AQP1: variants seen among roughly 807,000 people sequenced by gnomAD.
AQP1 encodes the protein aquaporin-1.
AQP1 carries 11 observed loss-of-function variants against 19.7 expected under a neutral mutation model. The ratio of observed to expected loss-of-function variants is 0.56; its 90% CI spans 0.35 to 0.92. AQP1 has a LOEUF of 0.92. AQP1 is among the 40% of genes least tolerant of loss of function. The pLI is 0.01. For missense variants in AQP1, 320 were observed against 369.7 expected (o/e 0.87, Z 1.10); for synonymous variants, 159 against 166.7 (o/e 0.95, Z 0.36).
Position 30,912,400 on chromosome 7 carries a change from A to G in AQP1, c.384+107A>G. On this transcript the variant is annotated intron_variant, in intron 1 of 3. Transcript: ENST00000311813. This position sits in a 1 kb window ranked among gnomAD's most constrained non-coding sequence, Gnocchi z 4.3. ...ATGGGGACACTGAGGAACGGAGAGG[A>G]CAAGAGGTTGCTGGAGGTCACGTAG... 3 of 1,501,094 alleles carry G rather than the reference A, an allele frequency of 2.0e-6. No homozygotes were observed. Among genetic ancestry groups the G allele is most frequent in the Non-Finnish European group, 2.7e-6 (3 of 1,116,606 alleles). The allele number at this position is 1,501,094 out of a possible 1,614,324, so 93.0% of individuals were successfully genotyped here.
intron 1 of AQP1, among the ~76,000 whole-genome samples, chr7:30,920,881 C>T (rs1035905469): frequency 6.6e-6 from 1 of 152,198 alleles, no homozygotes; most frequent in Admixed American, 6.5e-5. Context: ...GGGCTGCAGA[C>T]AAAGGCGGGA....
At chr7:30,915,524 T>C (rs1791321475) in intron 1 of AQP1, among the ~76,000 whole-genome samples, 1 of 151,686 alleles carries the variant, frequency 6.6e-6, no homozygotes. Context: ...CGGGAGTTGT[T>C]GGGTATGGTC....
At position 30,912,256 on chromosome 7, in the gene AQP1, C is replaced by T. The variant is rs745590240; in HGVS notation, c.347C>T (p.Thr116Ile). 6.2e-7 allele frequency: 1 copy of T among 1,606,266 alleles called. No homozygotes were observed. Among genetic ancestry groups the T allele is most frequent in the South Asian group, 1.1e-5 (1 of 91,080 alleles). The change falls in exon 1 of 4, where the codon ACC becomes ATC. Residue 116 changes from threonine to isoleucine, a missense_variant. Physicochemically the swap from Thr to Ile is moderately conservative, Grantham distance 89 (BLOSUM62 -1). Coordinates refer to ENST00000311813, the MANE Select transcript of AQP1 (RefSeq NM_198098.4). This position sits in a 1 kb window ranked among gnomAD's most constrained non-coding sequence, Gnocchi z 4.3. ...GCCACCGCCATCCTCTCAGGCATCA[C>T]CTCCTCCCTGACTGGGAACTCGCTT... ...IVATAILSGI[T>I]SSLTGNSLGR... is the part of the protein sequence containing the mutation.
At position 30,923,997 on chromosome 7, in the gene AQP1, G is replaced by C. The variant is rs771466531; in HGVS notation, c.*368G>C. ...CCGACTCACCTGCGCAAGTGCCTGG[G>C]ATTCTACCGTAATTGCTTTGTGCCT... On this transcript the variant is annotated 3_prime_UTR_variant, in exon 4 of 4. Transcript: ENST00000311813. This position sits in a 1 kb window ranked among gnomAD's most constrained non-coding sequence, Gnocchi z 4.8. 7.3e-7 allele frequency: 1 copy of C among 1,368,120 alleles called. No homozygotes were observed. The highest frequency in any genetic ancestry group is 1.2e-5 in the South Asian group (1 of 86,344). 84.7% of individuals were successfully genotyped at this position (1,368,120 alleles called of 1,614,324 possible).
At chr7:30,918,403 A>C (rs1215544557) in intron 1 of AQP1, among the ~76,000 whole-genome samples, 1 of 152,240 alleles carries the variant, frequency 6.6e-6, no homozygotes, top group Non-Finnish European at 1.5e-5. Context: ...TCACAGACAC[A>C]GCAGACACTT....
chr7:30,924,236 A>G lies in AQP1; in HGVS notation c.*607A>G, dbSNP rs1584392459. ...GACCTCCTTCTGCAAAGTGGCAGGG[A>G]CCGGCAGAGCTCTACAGGCCTGCAG... On this transcript the variant is annotated 3_prime_UTR_variant, in exon 4 of 4. Transcript: ENST00000311813. The G allele has an allele frequency of 4.6e-6, 3 of 656,104 alleles. No individual in the cohort carries two copies. Among genetic ancestry groups the G allele is most frequent in the South Asian group, 5.9e-5 (2 of 33,698 alleles). The allele number at this position is 656,104 out of a possible 1,614,324, so 40.6% of individuals were successfully genotyped here.
chr7:30,920,537 G>A (rs990307430), intron 1 of AQP1, among the ~76,000 whole-genome samples: 1 of 152,196 alleles, frequency 6.6e-6, no homozygotes, highest in African/African-American at 2.4e-5. Context: ...CTCCTGCGTC[G>A]ACAACTCTTT....
Position 30,912,089 on chromosome 7 carries a change from C to G in AQP1, c.180C>G (p.Ile60Met). 4 of 1,613,344 alleles carry G rather than the reference C, an allele frequency of 2.5e-6. No homozygotes were observed. The highest frequency in any genetic ancestry group is 3.4e-6 in the Non-Finnish European group (4 of 1,180,034). ...VKVSLAFGLS[I>M]ATLAQSVGHI... is the part of the protein sequence containing the mutation. Reference sequence around the variant, plus strand: ...TGTCGCTGGCCTTCGGGCTGAGCATCGCCACGCTGGCGCAGAGTGTGGGCC... The same window carrying G: ...TGTCGCTGGCCTTCGGGCTGAGCATGGCCACGCTGGCGCAGAGTGTGGGCC... The change falls in exon 1 of 4, where the codon ATC becomes ATG. Residue 60 changes from isoleucine (I) to methionine (M), a missense_variant. By Grantham distance (10) the Ile-to-Met change is conservative (BLOSUM62 1). Transcript: ENST00000311813. This position sits in a 1 kb window ranked among gnomAD's most constrained non-coding sequence, Gnocchi z 4.3.
intron 1 of AQP1, among the ~76,000 whole-genome samples, chr7:30,915,406 A>G (rs558327551): frequency 6.6e-6 from 1 of 152,200 alleles, no homozygotes; most frequent in Non-Finnish European, 1.5e-5. Context: ...CCAGGAAGGC[A>G]TCAGGGAGGA....
At position 30,918,697 on chromosome 7, in the gene AQP1, C is replaced by G. The variant is rs552185112; in HGVS notation, c.385-3369C>G. On this transcript the variant is annotated intron_variant, in intron 1 of 3. Coordinates refer to ENST00000311813, the MANE Select transcript of AQP1 (RefSeq NM_198098.4). ...AGGGGCCCCATGCCTTGGAAGCCAC[C>G]CTGGTTGGCCTGTCTATGGGTAGCA... is the stretch of plus-strand genomic sequence containing the variant. 3.9e-5 allele frequency among the ~76,000 whole-genome samples: 6 copies of G among 152,308 alleles called. No individual in the cohort carries two copies. In the East Asian group the frequency reaches 1.2e-3, roughly 30 times the overall value.
chr7:30,912,232 C>A lies in AQP1; in HGVS notation c.323C>A (p.Ala108Asp). 6.2e-7 allele frequency: 1 copy of A among 1,608,970 alleles called. No individual in the cohort carries two copies. Among genetic ancestry groups the A allele is most frequent in the Non-Finnish European group, 8.5e-7 (1 of 1,179,970 alleles). Residue 108 changes from alanine to aspartate, a missense_variant, in exon 1 of 4, where the codon GCC (alanine) becomes GAC (aspartate). Coordinates refer to ENST00000311813, the MANE Select transcript of AQP1 (RefSeq NM_198098.4). This position sits in a 1 kb window ranked among gnomAD's most constrained non-coding sequence, Gnocchi z 4.3. ...GCCCAGTGCGTGGGGGCCATCGTCGCCACCGCCATCCTCTCAGGCATCACC... is the reference window on the plus strand; with the variant it reads ...GCCCAGTGCGTGGGGGCCATCGTCGACACCGCCATCCTCTCAGGCATCACC... ...IIAQCVGAIV[A>D]TAILSGITSS... is the part of the protein sequence containing the mutation.
At chr7:30,922,380 T>G (rs1584389977) in intron 2 of AQP1, 150 bp downstream of exon 2, 12 of 1,361,648 alleles carry the variant, frequency 8.8e-6, no homozygotes, top group Middle Eastern at 2.1e-4. Flanking sequence ...GGGGGCAGGG[T>G]CCTGCCCTGG....
rs1173310840 is a variant in AQP1, at chr7:30,911,899, C to A, written c.-11C>A. On this transcript the variant is annotated 5_prime_UTR_variant, in exon 1 of 4. Coordinates refer to ENST00000311813, the MANE Select transcript of AQP1 (RefSeq NM_198098.4). ...ACCCGGCAGCGGTCTCAGGCCAAGC[C>A]CCCTGCCAGCATGGCCAGCGAGTTC... 1.2e-6 allele frequency: 2 copies of A among 1,612,834 alleles called. No individual in the cohort carries two copies. Among genetic ancestry groups the A allele is most frequent in the Non-Finnish European group, 1.7e-6 (2 of 1,180,050 alleles).
chr7:30,921,238 G>A, intron 1 of AQP1: 2 of 1,131,042 alleles, frequency 1.8e-6, no homozygotes, highest in Non-Finnish European at 2.2e-6. Context: ...CAGCTGCATG[G>A]GGAGGGCCTT....
In AQP1 at chr7:30,923,565, A is replaced by G. The variant is rs1406441754; in HGVS notation, c.746A>G (p.Gln249Arg). 4 of 1,610,010 alleles carry G rather than the reference A, an allele frequency of 2.5e-6. No individual in the cohort carries two copies. The highest frequency in any genetic ancestry group is 2.7e-5 in the African/African-American group (2 of 74,752). Residue 249 changes from glutamine to arginine, a missense_variant, in exon 4 of 4, where the codon CAG becomes CGG. By Grantham distance (43) the Gln-to-Arg change is conservative. Transcript: ENST00000311813. The surrounding 1 kb of genome is among the most constrained non-coding windows in gnomAD (Gnocchi z 4.8). ...CGCGTGAAGGTGTGGACCAGCGGCC[A>G]GGTGGAGGAGTATGACCTGGATGCC... ...TDRVKVWTSGQVEEYDLDADD... is the reference protein window; with the variant it reads ...TDRVKVWTSGRVEEYDLDADD...
chr7:30,920,897 ATTGTTC>A (rs1391321894), intron 1 of AQP1, among the ~76,000 whole-genome samples: 1 of 152,100 alleles, frequency 6.6e-6, no homozygotes, highest in Non-Finnish European at 1.5e-5. Flanking sequence ...CGGGAAGAGA[ATTGTTC>A]TTGTAGGATG....
At position 30,912,378 on chromosome 7, in the gene AQP1, G is replaced by A; in HGVS notation, c.384+85G>A. On this transcript the variant is annotated intron_variant, in intron 1 of 3. Coordinates refer to ENST00000311813, the MANE Select transcript of AQP1 (RefSeq NM_198098.4). This position sits in a 1 kb window ranked among gnomAD's most constrained non-coding sequence, Gnocchi z 4.3. The stretch of plus-strand genomic sequence containing the variant: ...CCATCCTCTGCCCATTGTGCAGATG[G>A]GGACACTGAGGAACGGAGAGGACAA... 6.5e-7 allele frequency: 1 copy of A among 1,535,440 alleles called. No homozygotes were observed. The highest frequency in any genetic ancestry group is 1.4e-5 in the African/African-American group (1 of 73,850).
intron 1 of AQP1, among the ~76,000 whole-genome samples, chr7:30,920,799 G>T (rs1791479211): frequency 6.6e-6 from 1 of 152,222 alleles, no homozygotes; most frequent in Non-Finnish European, 1.5e-5. Context: ...GTAGCCCTGG[G>T]GTCCGCCAGG....
intron 1 of AQP1, among the ~76,000 whole-genome samples, chr7:30,913,019 T>C (rs1791209096): frequency 6.6e-6 from 1 of 152,044 alleles, no homozygotes. Context: ...GGTGTGTATG[T>C]GTGCATGTGT....
Sources: gnomAD v4.1 joint callset for allele counts (sites outside exome capture counted in the v4.1 genomes callset) on GRCh38, gnomAD v4.1.1 for gene constraint, Gnocchi (gnomAD v3.1) non-coding constraint, MANE v1.5 for transcripts, NCBI Gene and HGNC (gene_info 2026-07-23, HGNC 2026-07-21) for gene names.